Variants in SIK2 observed in about 807,000 individuals in gnomAD.
SIK2 encodes serine/threonine-protein kinase SIK2.
SIK2 carries 29 observed loss-of-function variants against 103.2 expected under a neutral mutation model. That is an observed-to-expected ratio of 0.28 (90% CI 0.21 to 0.38). The LOEUF (loss-of-function observed/expected upper bound fraction) is 0.38. Among genes scored for constraint, SIK2 ranks in the 10% least tolerant of loss-of-function variants. The pLI, the probability that SIK2 is intolerant of heterozygous loss-of-function variation, is 1.00. For missense variants in SIK2, 879 were observed against 1,171.0 expected, an observed-to-expected ratio of 0.75 and a Z score of 3.64; for synonymous variants, 412 against 446.1, an observed-to-expected ratio of 0.92 and a Z score of 0.96.
At chr11:111,677,562 C>T (rs1018008430) in intron 3 of SIK2, among the ~76,000 whole-genome samples, 49 of 147,962 alleles carry the variant, frequency 3.3e-4, no homozygotes, top group African/African-American at 1.1e-3. Context: ...AGATTACAGG[C>T]GTGTGCCACA....
At chr11:111,639,788 G>C (rs1242334170) in intron 3 of SIK2, among the ~76,000 whole-genome samples, 1 of 152,134 alleles carries the variant, frequency 6.6e-6, no homozygotes, top group Non-Finnish European at 1.5e-5. Flanking sequence ...CTTGCCATGG[G>C]AGTTTTGACT....
intron 3 of SIK2, among the ~76,000 whole-genome samples, chr11:111,686,212 G>A (rs916195021): frequency 6.6e-6 from 1 of 152,078 alleles, no homozygotes; most frequent in Non-Finnish European, 1.5e-5. Flanking sequence ...AGGCCAAGGC[G>A]GGCAGATCAC....
intron 3 of SIK2, among the ~76,000 whole-genome samples, chr11:111,627,014 A>G (rs1021430350): frequency 6.6e-6 from 1 of 152,212 alleles, no homozygotes; most frequent in East Asian, 1.9e-4. Flanking sequence ...GGGTAAGGAT[A>G]AGGAATCCAA....
chr11:111,697,539 G>A (rs1943105369), intron 4 of SIK2, among the ~76,000 whole-genome samples: 1 of 152,196 alleles, frequency 6.6e-6, no homozygotes, highest in Non-Finnish European at 1.5e-5. Flanking sequence ...ACTACTTCAT[G>A]AAATGTAAGT....
At position 111,725,878 on chromosome 11, in the gene SIK2, A is replaced by G. The variant is rs1054948880; in HGVS notation, c.*1749A>G. The G allele has an allele frequency of 6.6e-6, 1 of 152,354 alleles. No homozygotes were observed. Among genetic ancestry groups the G allele is most frequent in the East Asian group, 1.9e-4 (1 of 5,206 alleles). 9.4% of individuals were successfully genotyped at this position (152,354 alleles called of 1,614,324 possible). ...GATGCTTCGCAGAGGCACTGTGCTCACGGTTGGACTTGGTGTCAGTGGGAA... is the reference window on the plus strand; with the variant it reads ...GATGCTTCGCAGAGGCACTGTGCTCGCGGTTGGACTTGGTGTCAGTGGGAA... On this transcript the variant is annotated 3_prime_UTR_variant, in exon 15 of 15. Transcript: ENST00000304987.
intron 4 of SIK2, among the ~76,000 whole-genome samples, chr11:111,692,064 G>A (rs1942953856): frequency 6.6e-6 from 1 of 151,956 alleles, no homozygotes; most frequent in African/African-American, 2.4e-5. Context: ...AAAGAAAGAG[G>A]GAGAGGCCAG....
intron 9 of SIK2, among the ~76,000 whole-genome samples, chr11:111,713,654 G>C (rs1366122771): frequency 6.6e-6 from 1 of 152,150 alleles, no homozygotes; most frequent in Non-Finnish European, 1.5e-5. Flanking sequence ...GACAGCGCCA[G>C]GTGCTGAATA....
chr11:111,610,445 C>T (rs900474947), intron 1 of SIK2, among the ~76,000 whole-genome samples: 8 of 149,592 alleles, frequency 5.3e-5, no homozygotes, highest in Non-Finnish European at 1.2e-4. Flanking sequence ...GAGCTGAGAT[C>T]GCACCACTGC....
At chr11:111,703,118 C>T in intron 6 of SIK2, 85 bp from the exon 7 acceptor site, 1 of 1,215,042 alleles carries the variant, frequency 8.2e-7, no homozygotes, top group Non-Finnish European at 1.2e-6. Flanking sequence ...GATTAACACC[C>T]TTGTACAAAG....
chr11:111,723,892 T>A lies in SIK2; in HGVS notation c.2544T>A (p.Thr848=). 6.3e-7 allele frequency: 1 copy of A among 1,593,002 alleles called. No individual in the cohort carries two copies. The highest frequency in any genetic ancestry group is 8.6e-7 in the Non-Finnish European group (1 of 1,167,298). ...CCCCCTTACAGTTCTCCTATCAGAC[T>A]TGTGAGCTGCCAAGCGCTGCTTCCC... ...APAPLQFSYQ[T]CELPSAASPA... Residue 848 remains threonine, a synonymous_variant, in exon 15 of 15, where the codon ACT becomes ACA. Transcript: ENST00000304987.
chr11:111,701,411 C>A lies in SIK2; in HGVS notation c.604-41C>A. On this transcript the variant is annotated intron_variant, in intron 5 of 14. Coordinates refer to ENST00000304987, the MANE Select transcript of SIK2 (RefSeq NM_015191.3). This position sits in a 1 kb window ranked among gnomAD's most constrained non-coding sequence, Gnocchi z 4.2. ...GTTCAGGAAAACAAAGAGTGTTTGA[C>A]GTTCTTGGTAGAAAAGTCTCTGCAT... is the stretch of plus-strand genomic sequence containing the variant. 6.3e-7 allele frequency: 1 copy of A among 1,594,636 alleles called. No individual in the cohort carries two copies. The highest frequency in any genetic ancestry group is 8.6e-7 in the Non-Finnish European group (1 of 1,166,916).
Position 111,724,375 on chromosome 11 carries a change from C to T in SIK2, c.*246C>T, listed in dbSNP as rs937711388. On this transcript the variant is annotated 3_prime_UTR_variant, in exon 15 of 15. Transcript: ENST00000304987. ...TAGGCTGAGGCTCCTGCCCTTCGGTCGAGTGGAGCAAGCTCTCGAGGGCAG... is the reference window on the plus strand; with the variant it reads ...TAGGCTGAGGCTCCTGCCCTTCGGTTGAGTGGAGCAAGCTCTCGAGGGCAG... 3.7e-6 allele frequency: 2 copies of T among 536,362 alleles called. No homozygotes were observed. Among genetic ancestry groups the T allele is most frequent in the Non-Finnish European group, 3.3e-6 (1 of 303,330 alleles). 33.2% of individuals were successfully genotyped at this position (536,362 alleles called of 1,614,324 possible).
At chr11:111,710,408 T>C (rs1418154375) in intron 8 of SIK2, among the ~76,000 whole-genome samples, 5 of 152,322 alleles carry the variant, frequency 3.3e-5, no homozygotes, top group African/African-American at 9.6e-5. Flanking sequence ...TCTTATACAG[T>C]ATAGCCAGTG....
chr11:111,680,565 T>C (rs1241607901), intron 3 of SIK2, among the ~76,000 whole-genome samples: 1 of 152,258 alleles, frequency 6.6e-6, no homozygotes, highest in African/African-American at 2.4e-5. Context: ...TTTGTGCTGT[T>C]ATTCAGCTCC....
At chr11:111,625,125 G>A (rs895309239) in intron 3 of SIK2, among the ~76,000 whole-genome samples, 1 of 152,162 alleles carries the variant, frequency 6.6e-6, no homozygotes, top group Non-Finnish European at 1.5e-5. Context: ...GGGGCATTGT[G>A]TAGGCCATTA....
intron 4 of SIK2, among the ~76,000 whole-genome samples, chr11:111,699,937 C>T (rs1943171674): frequency 6.6e-6 from 1 of 152,182 alleles, no homozygotes; most frequent in South Asian, 2.1e-4. Flanking sequence ...CAATGCTGTG[C>T]TCCAGCTGGG....
At chr11:111,685,265 G>A (rs1385940159) in intron 3 of SIK2, among the ~76,000 whole-genome samples, 3 of 152,216 alleles carry the variant, frequency 2.0e-5, no homozygotes, top group Non-Finnish European at 4.4e-5. Flanking sequence ...CCTCACATGT[G>A]CAGTTCACAA....
intron 3 of SIK2, among the ~76,000 whole-genome samples, chr11:111,641,416 A>G (rs1458475270): frequency 6.6e-6 from 1 of 152,178 alleles, no homozygotes; most frequent in Non-Finnish European, 1.5e-5. Context: ...CAGTTTGACC[A>G]TTCATTCTTC....
At chr11:111,646,772 T>C (rs1413885306) in intron 3 of SIK2, among the ~76,000 whole-genome samples, 1 of 152,250 alleles carries the variant, frequency 6.6e-6, no homozygotes, top group East Asian at 1.9e-4. Flanking sequence ...GATTCATCCA[T>C]GGTGATGCTT....
Sources: allele counts gnomAD v4.1 joint callset (sites outside exome capture counted in the v4.1 genomes callset), GRCh38; gene constraint gnomAD v4.1.1; non-coding constraint Gnocchi (gnomAD v3.1); transcripts MANE v1.5; gene names NCBI Gene and HGNC (gene_info 2026-07-23, HGNC 2026-07-21).